Variants in PKIB observed in about 807,000 individuals in gnomAD.
PKIB encodes PKI-beta.
In PKIB, 2 loss-of-function variants were observed where a neutral mutation model predicts 4.5. The ratio of observed to expected loss-of-function variants is 0.44; its 90% CI spans 0.18 to 1.39. The LOEUF is 1.39. Among genes scored for constraint, PKIB ranks in the 40% most tolerant of loss-of-function variants. PKIB has a pLI of 0.27. For missense variants in PKIB, 94 were observed against 92.6 expected (o/e 1.02, Z -0.06); for synonymous variants, 38 against 36.0 (o/e 1.06, Z -0.20).
rs112707401 is a variant in PKIB at position 122,487,112 on chromosome 6, T to C, written c.-248+9173T>C. Among the ~76,000 whole-genome samples the C allele has an allele frequency of 5.0e-3, 763 of 152,318 alleles. 6 individuals carry two copies. Among genetic ancestry groups the C allele is most frequent in the African/African-American group, 0.017 (710 of 41,576 alleles). ...ATAGGTAAAATGCTTCTTTCTACAT[T>C]GAACATATTCACATTTTGCCAATTG... On this transcript the variant is annotated intron_variant, in intron 2 of 6. Coordinates refer to the PKIB transcript ENST00000392491.
At chr6:122,689,525 C>T (rs556546275) in intron 3 of PKIB, among the ~76,000 whole-genome samples, 107 of 152,214 alleles carry the variant, frequency 7.0e-4, no homozygotes, top group Non-Finnish European at 1.3e-3. Context: ...ATCTACTGGT[C>T]ATTTAGGAGC....
At chr6:122,665,642 A>G (rs1357196416) in intron 2 of PKIB, among the ~76,000 whole-genome samples, 2 of 152,230 alleles carry the variant, frequency 1.3e-5, no homozygotes, top group Non-Finnish European at 2.9e-5. Flanking sequence ...TAGTTTTGAA[A>G]GGAAACAGAC....
intron 3 of PKIB, chr6:122,717,561 G>C: frequency 4.0e-6 from 2 of 504,468 alleles, no homozygotes; most frequent in Non-Finnish European, 7.0e-6. Context: ...TTCGGCTCAG[G>C]GGTTATTTTT....
rs148840838 is a variant in PKIB, at chr6:122,550,955, G to A, written c.-247-34966G>A. Reference sequence around the variant, plus strand: ...ATGGAAAAATTTTTTAGTCACAGTCGTGAAGGTGTTTCTTCATCCTTTTCT... The same window carrying A: ...ATGGAAAAATTTTTTAGTCACAGTCATGAAGGTGTTTCTTCATCCTTTTCT... On this transcript the variant is annotated intron_variant, in intron 2 of 6. Transcript: ENST00000392491. Among the ~76,000 whole-genome samples the A allele has an allele frequency of 7.2e-5, 11 of 152,280 alleles. No homozygotes were observed. The East Asian group carries it at 7.7e-4, about 11-fold the overall frequency.
intron 3 of PKIB, among the ~76,000 whole-genome samples, chr6:122,590,309 G>A (rs1773978639): frequency 6.6e-6 from 1 of 152,194 alleles, no homozygotes; most frequent in Admixed American, 6.6e-5. Context: ...TAGTGTGGAG[G>A]TTAAGATCAC....
rs139096770 is a variant in PKIB at position 122,648,433 on chromosome 6, G to A, written c.-76+15066G>A. 5.8e-3 allele frequency among the ~76,000 whole-genome samples: 885 copies of A among 152,290 alleles called. 6 individuals carry two copies. The highest frequency in any genetic ancestry group is 8.9e-3 in the Non-Finnish European group (606 of 68,028). On this transcript the variant is annotated intron_variant, in intron 2 of 4. Coordinates refer to ENST00000368452, the MANE Select transcript of PKIB (RefSeq NM_181795.3). Reference sequence around the variant, plus strand: ...CAGCCTCCTAGAGGATATTTCTAGAGCCCAGCAAAATACTGCCACCTACTA... The same window carrying A: ...CAGCCTCCTAGAGGATATTTCTAGAACCCAGCAAAATACTGCCACCTACTA...
At chr6:122,561,725 A>G (rs143224157) in intron 2 of PKIB, among the ~76,000 whole-genome samples, 1,540 of 152,070 alleles carry the variant, frequency 0.01, 10 homozygotes, top group Non-Finnish European at 0.016. Context: ...CTGATATAAG[A>G]AGAGCTACCC....
At chr6:122,589,307 A>G (rs1266822262) in intron 3 of PKIB, among the ~76,000 whole-genome samples, 3 of 152,192 alleles carry the variant, frequency 2.0e-5, no homozygotes, top group East Asian at 3.8e-4. Flanking sequence ...ATGTTTGGCA[A>G]AAACAGCTGA....
At chr6:122,483,462 C>T (rs1404012804) in intron 2 of PKIB, 2 of 152,104 alleles carry the variant, frequency 1.3e-5, no homozygotes, top group African/African-American at 4.8e-5. Context: ...TTTCCTAATA[C>T]ACTCCTAGGT....
intron 2 of PKIB, among the ~76,000 whole-genome samples, chr6:122,562,953 C>A (rs965013466): frequency 4.0e-5 from 6 of 151,838 alleles, no homozygotes; most frequent in Admixed American, 2.0e-4. Context: ...CTCCTGGATT[C>A]TTTTTCAGGT....
chr6:122,587,059 G>T (rs770101668), intron 3 of PKIB, among the ~76,000 whole-genome samples: 1 of 151,890 alleles, frequency 6.6e-6, no homozygotes. Flanking sequence ...AAGTTTTAGG[G>T]TATATGTGCA....
intron 2 of PKIB, among the ~76,000 whole-genome samples, chr6:122,541,130 T>G (rs1777583477): frequency 6.6e-6 from 1 of 151,548 alleles, no homozygotes; most frequent in African/African-American, 2.4e-5. Context: ...TCTTGACTCT[T>G]TATCCAATTT....
At chr6:122,513,213 G>C (rs140688101) in intron 2 of PKIB, among the ~76,000 whole-genome samples, 1 of 152,260 alleles carries the variant, frequency 6.6e-6, no homozygotes, top group Non-Finnish European at 1.5e-5. Context: ...CTTAAGAGGA[G>C]CATACTTTCC....
rs573715835 is a variant in PKIB at position 122,619,882 on chromosome 6, T to C, written c.-161+9347T>C. Among the ~76,000 whole-genome samples, 5 of 152,306 alleles carry C rather than the reference T, an allele frequency of 3.3e-5. No homozygotes were observed. In the South Asian group the frequency reaches 1.0e-3, roughly 32 times the overall value. On this transcript the variant is annotated intron_variant, in intron 1 of 4. Transcript: ENST00000368452. ...TTCCTTCAAAACCATTCCATCATGC[T>C]ACCTGGAACAACTGTTCAATAATAA... is the stretch of plus-strand genomic sequence containing the variant.
chr6:122,576,812 G>T (rs575002663), intron 2 of PKIB, among the ~76,000 whole-genome samples: 4 of 149,774 alleles, frequency 2.7e-5, no homozygotes, highest in African/African-American at 9.8e-5. Flanking sequence ...AGGCATATGT[G>T]TATTATCGCA....
At chr6:122,506,800 C>T (rs530598161) in intron 2 of PKIB, among the ~76,000 whole-genome samples, 418 of 148,722 alleles carry the variant, frequency 2.8e-3, no homozygotes, top group African/African-American at 9.9e-3. Context: ...CCCGGGTTCA[C>T]GCCATTCTCC....
At chr6:122,482,544 A>ATTTTTTTTTTT (rs571676167) in intron 2 of PKIB, 2 of 103,722 alleles carry the variant, frequency 1.9e-5, no homozygotes, top group Non-Finnish European at 3.6e-5. Context: ...TTTAGGTTGG[A>ATTTTTTTTTTT]TTTTTTTTTT....
intron 4 of PKIB, among the ~76,000 whole-genome samples, chr6:122,722,389 C>T: frequency 6.6e-6 from 1 of 151,978 alleles, no homozygotes; most frequent in African/African-American, 2.4e-5. Flanking sequence ...AAATGATATC[C>T]TGTTAGTTTT....
At chr6:122,582,648 A>T (rs1399120586) in intron 2 of PKIB, among the ~76,000 whole-genome samples, 1 of 152,010 alleles carries the variant, frequency 6.6e-6, no homozygotes, top group Non-Finnish European at 1.5e-5. Flanking sequence ...AACAGAAGCT[A>T]CCTTCTTTGA....
Sources: gnomAD v4.1 joint callset for allele counts (sites outside exome capture counted in the v4.1 genomes callset) on GRCh38, gnomAD v4.1.1 for gene constraint, MANE v1.5 for transcripts, NCBI Gene and HGNC (gene_info 2026-07-23, HGNC 2026-07-21) for gene names.